Variants in NCOR1 observed in about 807,000 individuals in gnomAD.
The protein encoded by NCOR1 is nuclear receptor corepressor 1, also known as protein phosphatase 1, regulatory subunit 109.
Under a neutral mutation model 288.1 loss-of-function variants are expected in NCOR1, and 63 were observed. The ratio of observed to expected loss-of-function variants is 0.22; its 90% confidence interval spans 0.18 to 0.27. The LOEUF is 0.27. Among genes scored for constraint, NCOR1 ranks in the 10% least tolerant of loss-of-function variants. The pLI, the probability that NCOR1 is intolerant of heterozygous loss-of-function variation, is 1.00. For synonymous variants in NCOR1, 1,007 were observed against 1,065.9 expected (o/e 0.94, Z 1.08); for missense variants, 2,397 against 3,019.2 (o/e 0.79, Z 4.83).
chr17:16,152,197 C>T (rs945750755), intron 7 of NCOR1, among the ~76,000 whole-genome samples, 199 bp from the exon 8 acceptor site: 2 of 152,140 alleles, frequency 1.3e-5, no homozygotes, highest in African/African-American at 4.8e-5. Flanking sequence ...GGTACACGTG[C>T]ACAACGTGCA....
chr17:16,069,961 C>A (rs1396813920), intron 31 of NCOR1, among the ~76,000 whole-genome samples: 1 of 152,168 alleles, frequency 6.6e-6, no homozygotes, highest in East Asian at 1.9e-4. Context: ...TCATAATCTG[C>A]ACTTGATTTA....
Position 16,031,921 on chromosome 17 carries a change from C to G in NCOR1, c.*375G>C, listed in dbSNP as rs144012237. On this transcript the variant is annotated 3_prime_UTR_variant, in exon 46 of 46. Coordinates refer to ENST00000268712, the MANE Select transcript of NCOR1 (RefSeq NM_006311.4). Reference sequence around the variant, plus strand: ...ATGCGCTGATTTGAACATAAGTACACCAGATACTACAGCAAGGGGATATAC... The same window carrying G: ...ATGCGCTGATTTGAACATAAGTACAGCAGATACTACAGCAAGGGGATATAC... 4.4e-5 allele frequency: 11 copies of G among 251,802 alleles called. No homozygotes were observed. In the East Asian group the frequency reaches 6.6e-4, roughly 15 times the overall value. 15.6% of individuals were successfully genotyped at this position (251,802 alleles called of 1,614,324 possible).
intron 19 of NCOR1, among the ~76,000 whole-genome samples, chr17:16,107,539 T>A (rs2069037575): frequency 6.6e-6 from 1 of 152,168 alleles, no homozygotes; most frequent in Admixed American, 6.5e-5. Context: ...TCCAGAACCG[T>A]GAGAAAATTA....
chr17:16,058,501 G>A lies in NCOR1; in HGVS notation c.5980C>T (p.Pro1994Ser), dbSNP rs759378123. Residue 1994 changes from proline (P) to serine (S), a missense_variant, in exon 38 of 46, where the codon CCA (proline) becomes TCA (serine). By Grantham distance (74) the Pro-to-Ser change is moderately conservative. Around this residue, in one of 11 missense-constraint regions of NCOR1, gnomAD observed 1,872 missense variants for 2,187.8 expected, o/e 0.86. Coordinates refer to ENST00000268712, the MANE Select transcript of NCOR1 (RefSeq NM_006311.4). The part of the protein sequence containing the change: ...PPQEKLQTYQ[P>S]EVVKANQAEN... ...GCTTGATTTGCCTTAACAACCTCTG[G>A]CTGATAGGTCTGCAGTTTCTCCTGG... The A allele has an allele frequency of 7.4e-6, 12 of 1,613,936 alleles. No individual in the cohort carries two copies. The East Asian group carries it at 2.2e-4, about 30-fold the overall frequency.
chr17:16,061,952 G>T, intron 36 of NCOR1, 58 bp from the exon 37 acceptor site: 1 of 1,567,436 alleles, frequency 6.4e-7, no homozygotes, highest in Admixed American at 2.0e-5. Flanking sequence ...TGGGAATGTG[G>T]TGGGGAGATG....
chr17:16,175,272 G>A (rs1319026539), intron 3 of NCOR1, among the ~76,000 whole-genome samples: 2 of 151,978 alleles, frequency 1.3e-5, no homozygotes, highest in Non-Finnish European at 2.9e-5. Context: ...GGAAACTGAG[G>A]CAGGAGAATC....
intron 43 of NCOR1, 127 bp from the exon 44 acceptor site, chr17:16,039,781 C>T: frequency 1.2e-6 from 1 of 821,550 alleles, no homozygotes; most frequent in Non-Finnish European, 1.9e-6. Context: ...ATACCAGGAC[C>T]CACCACACAG....
chr17:16,030,939 G>A lies in NCOR1; in HGVS notation c.*1357C>T, dbSNP rs142125677. 4.2e-3 allele frequency: 824 copies of A among 195,524 alleles called. 5 individuals carry two copies. The highest frequency in any genetic ancestry group is 7.3e-3 in the Middle Eastern group (4 of 550). 12.1% of individuals were successfully genotyped at this position (195,524 alleles called of 1,614,324 possible). On this transcript the variant is annotated 3_prime_UTR_variant, in exon 46 of 46. Coordinates refer to ENST00000268712, the MANE Select transcript of NCOR1 (RefSeq NM_006311.4). ...TAATTTTTATCATCCTGAGAGATCT[G>A]TTTCTCCCCTTTCCAGTTACCAGTG...
chr17:16,093,771 T>C (rs2065832602), intron 21 of NCOR1, among the ~76,000 whole-genome samples: 1 of 152,238 alleles, frequency 6.6e-6, no homozygotes, highest in Non-Finnish European at 1.5e-5. Flanking sequence ...TTTGATCCAA[T>C]GAAAATATTA....
In NCOR1 at chr17:16,061,845, G is replaced by A. The variant is rs367869880; in HGVS notation, c.5437C>T (p.Arg1813Cys). 2.7e-5 allele frequency: 43 copies of A among 1,613,860 alleles called. No homozygotes were observed. Among genetic ancestry groups the A allele is most frequent in the African/African-American group, 4.0e-5 (3 of 74,890 alleles). ...PSISQGLPAS[R>C]YNTAADALAA... Reference sequence around the variant, plus strand: ...AGGGCATCCGCAGCAGTGTTGTAACGGGAGGCTGGCAGGCCTTGGCTTATT... The same window carrying A: ...AGGGCATCCGCAGCAGTGTTGTAACAGGAGGCTGGCAGGCCTTGGCTTATT... The change falls in exon 37 of 46, where the codon CGT becomes TGT. Residue 1813 changes from arginine to cysteine, a missense_variant. Arg to Cys is a radical substitution (Grantham distance 180, BLOSUM62 -3). Transcript: ENST00000268712.
intron 2 of NCOR1, among the ~76,000 whole-genome samples, chr17:16,187,763 G>A (rs892593621): frequency 2.6e-5 from 4 of 151,810 alleles, no homozygotes; most frequent in African/African-American, 7.3e-5. Flanking sequence ...TTAAAAATTA[G>A]CCGGGCATTG....
intron 21 of NCOR1, among the ~76,000 whole-genome samples, chr17:16,096,892 G>C (rs748430723): frequency 1.3e-5 from 2 of 152,192 alleles, no homozygotes; most frequent in African/African-American, 4.8e-5. Flanking sequence ...AAATGTCTAT[G>C]AATGGATGAA....
intron 1 of NCOR1, among the ~76,000 whole-genome samples, chr17:16,200,811 A>T (rs1056191847): frequency 2.6e-5 from 4 of 152,208 alleles, no homozygotes; most frequent in Admixed American, 1.3e-4. Context: ...ACCAATTCTA[A>T]AAGTATGTTA....
intron 40 of NCOR1, among the ~76,000 whole-genome samples, chr17:16,056,801 T>C (rs2059979495): frequency 6.6e-6 from 1 of 152,124 alleles, no homozygotes; most frequent in Non-Finnish European, 1.5e-5. Context: ...TTTCCACTCA[T>C]GATGCCACTA....
chr17:16,210,923 G>C (rs1176253317), intron 1 of NCOR1, among the ~76,000 whole-genome samples: 1 of 152,062 alleles, frequency 6.6e-6, no homozygotes, highest in Non-Finnish European at 1.5e-5. Context: ...AGTAGAGACA[G>C]GGTTTCATCA....
chr17:16,091,700 T>A, intron 22 of NCOR1, 163 bp downstream of exon 22: 1 of 1,442,188 alleles, frequency 6.9e-7, no homozygotes, highest in Non-Finnish European at 9.1e-7. Context: ...AATACTAACA[T>A]TTCTTCATAG....
intron 1 of NCOR1, among the ~76,000 whole-genome samples, chr17:16,207,557 C>G (rs767807931): frequency 5.9e-5 from 9 of 151,856 alleles, no homozygotes; most frequent in Non-Finnish European, 1.0e-4. Context: ...CTGGCTAACA[C>G]AGTGAAACCC....
intron 12 of NCOR1, among the ~76,000 whole-genome samples, chr17:16,138,464 A>G (rs145557673): frequency 0.014 from 2,065 of 152,294 alleles, 34 homozygotes; most frequent in Non-Finnish European, 0.018. Flanking sequence ...ACATGCCTGC[A>G]GTCCCACCTA....
At chr17:16,121,409 A>G in intron 15 of NCOR1, 140 bp from the exon 16 acceptor site, 2 of 665,608 alleles carry the variant, frequency 3.0e-6, no homozygotes, top group South Asian at 5.3e-5. Context: ...ATTATCAACA[A>G]TTCTGCCATA....
Sources: gnomAD v4.1 joint callset for allele counts (sites outside exome capture counted in the v4.1 genomes callset) on GRCh38, gnomAD v4.1.1 for gene constraint, gnomAD v4.1.1 regional missense constraint, MANE v1.5 for transcripts, NCBI Gene and HGNC (gene_info 2026-07-23, HGNC 2026-07-21) for gene names.